The following C1orf198 variants were observed in gnomAD, a reference collection of about 807,000 sequenced individuals.
The protein encoded by C1orf198 is chromosome 1 open reading frame 198.
In C1orf198, 17 loss-of-function variants were observed where a neutral mutation model predicts 31.4. The observed-to-expected ratio is 0.54, with a 90% confidence interval of 0.37 to 0.81. The LOEUF (loss-of-function observed/expected upper bound fraction) is 0.81. C1orf198 is among the 40% of genes least tolerant of loss of function. The pLI, the probability that C1orf198 is intolerant of heterozygous loss-of-function variation, is 0.00. For missense variants in C1orf198, 401 were observed against 450.3 expected, an observed-to-expected ratio of 0.89 and a Z score of 0.99; for synonymous variants, 175 against 193.8, an observed-to-expected ratio of 0.90 and a Z score of 0.81.
intron 2 of C1orf198, among the ~76,000 whole-genome samples, chr1:230,851,075 G>A (rs993284811): frequency 2.1e-5 from 3 of 142,180 alleles, no homozygotes; most frequent in Middle Eastern, 3.2e-3. Flanking sequence ...GCACAGCACA[G>A]AGGAAGGGCC....
chr1:230,854,832 G>T (rs1313267913), intron 2 of C1orf198, among the ~76,000 whole-genome samples: 6 of 152,106 alleles, frequency 3.9e-5, no homozygotes, highest in African/African-American at 1.2e-4. Flanking sequence ...GCTCTGATCA[G>T]CAATGATGTG....
At chr1:230,842,577 T>C (rs150565942) in intron 3 of C1orf198, among the ~76,000 whole-genome samples, 1,926 of 152,010 alleles carry the variant, frequency 0.013, 13 homozygotes, top group Middle Eastern at 0.041. Flanking sequence ...ACAATGGACT[T>C]TGGGGACTCG....
upstream of C1orf198, chr1:230,868,645 GC>G (rs1276135051): frequency 1.5e-6 from 1 of 671,300 alleles, no homozygotes; most frequent in Non-Finnish European, 1.9e-6. Context: ...GGGTCTCCAA[GC>G]CAACCCAGCT....
chr1:230,849,114 C>T (rs962697252), intron 2 of C1orf198, among the ~76,000 whole-genome samples: 16 of 152,200 alleles, frequency 1.1e-4, no homozygotes, highest in African/African-American at 2.7e-4. Flanking sequence ...CTTTTTGCTT[C>T]GGTGACTCCA....
At chr1:230,868,595 C>T (rs1367271530), upstream of C1orf198, 1 of 1,045,484 alleles carries the variant, frequency 9.6e-7, no homozygotes, top group Admixed American at 5.2e-5. Context: ...CCCGGAGCCC[C>T]GCCCCCTCCG....
At chr1:230,851,906 G>A (rs1412684010) in intron 2 of C1orf198, among the ~76,000 whole-genome samples, 1 of 152,226 alleles carries the variant, frequency 6.6e-6, no homozygotes, top group African/African-American at 2.4e-5. Flanking sequence ...GTCATGGGCT[G>A]GCCAAGAGAA....
At position 230,839,327 on chromosome 1, in the gene C1orf198, A is replaced by T. The variant is rs554800116; in HGVS notation, c.*525T>A. 6.3e-6 allele frequency: 1 copy of T among 159,224 alleles called. No individual in the cohort carries two copies. The highest frequency in any genetic ancestry group is 2.4e-5 in the African/African-American group (1 of 41,586). The allele number at this position is 159,224 out of a possible 1,614,324, so 9.9% of individuals were successfully genotyped here. ...GTGAGAGACATGGCTTCTGCCAGAG[A>T]AGCCCCGGACAGCTGCGAGCGCTGG... On this transcript the variant is annotated 3_prime_UTR_variant, in exon 4 of 4. Coordinates refer to ENST00000366663, the MANE Select transcript of C1orf198 (RefSeq NM_032800.3).
Position 230,840,627 on chromosome 1 carries a change from C to T in C1orf198, c.928-719G>A, listed in dbSNP as rs1669415454. 6.6e-6 allele frequency among the ~76,000 whole-genome samples: 1 copy of T among 152,224 alleles called. No homozygotes were observed. Among genetic ancestry groups the T allele is most frequent in the Admixed American group, 6.5e-5 (1 of 15,282 alleles). Reference sequence around the variant, plus strand: ...ATAAAACTTCTGACTGGCTTCCACTCAGCAGCCTGTTTCTGATGTCCCTTT... The same window carrying T: ...ATAAAACTTCTGACTGGCTTCCACTTAGCAGCCTGTTTCTGATGTCCCTTT... On this transcript the variant is annotated intron_variant, in intron 3 of 3. Transcript: ENST00000366663. The surrounding 1 kb of genome is among the most constrained non-coding windows in gnomAD (Gnocchi z 4.0).
intron 1 of C1orf198, among the ~76,000 whole-genome samples, chr1:230,859,480 G>C (rs139418955): frequency 1.3e-5 from 2 of 152,248 alleles, no homozygotes. Context: ...GTCAAATTCC[G>C]TAAGAGGCAT....
intron 2 of C1orf198, among the ~76,000 whole-genome samples, chr1:230,848,533 A>G (rs185496749): frequency 2.0e-5 from 3 of 152,314 alleles, no homozygotes; most frequent in East Asian, 3.9e-4. Context: ...TGCAATAGCT[A>G]TAAGAGAGGA....
In C1orf198 at chr1:230,839,312, T is replaced by C. The variant is rs1287622709; in HGVS notation, c.*540A>G. 1 of 159,308 alleles carries C rather than the reference T, an allele frequency of 6.3e-6. No homozygotes were observed. The highest frequency in any genetic ancestry group is 1.4e-5 in the Non-Finnish European group (1 of 73,664). The allele number at this position is 159,308 out of a possible 1,614,324, so 9.9% of individuals were successfully genotyped here. ...AGGCTGGCACATGATGTGAGAGACA[T>C]GGCTTCTGCCAGAGAAGCCCCGGAC... On this transcript the variant is annotated 3_prime_UTR_variant, in exon 4 of 4. Coordinates refer to ENST00000366663, the MANE Select transcript of C1orf198 (RefSeq NM_032800.3).
Position 230,868,211 on chromosome 1 carries a change from G to A in C1orf198, c.302C>T (p.Thr101Met), listed in dbSNP as rs771154520. The change falls in exon 1 of 4, where the codon ACG becomes ATG. Residue 101 changes from threonine to methionine, a missense_variant. By Grantham distance (81) the Thr-to-Met change is moderately conservative. Transcript: ENST00000366663. Reference protein sequence around the residue: ...LTRFPGLRGPTGQKVVRFGDE... With the variant: ...LTRFPGLRGPMGQKVVRFGDE... The stretch of plus-strand genomic sequence containing the variant: ...CCCGAAGCGCACCACCTTCTGGCCC[G>A]TGGGCCCGCGCAAGCCGGGGAAGCG... 3.3e-6 allele frequency: 5 copies of A among 1,512,630 alleles called. No individual in the cohort carries two copies. The highest frequency in any genetic ancestry group is 2.9e-5 in the African/African-American group (2 of 68,900). 93.7% of individuals were successfully genotyped at this position (1,512,630 alleles called of 1,614,324 possible).
chr1:230,847,561 G>A (rs1443642117), intron 2 of C1orf198, among the ~76,000 whole-genome samples: 1 of 152,100 alleles, frequency 6.6e-6, no homozygotes, highest in Non-Finnish European at 1.5e-5. Context: ...AACAACAGGT[G>A]GCCACCAGGT....
At chr1:230,847,874 C>A (rs1669637404) in intron 2 of C1orf198, among the ~76,000 whole-genome samples, 1 of 152,174 alleles carries the variant, frequency 6.6e-6, no homozygotes. Context: ...AAACCCCAGG[C>A]TTTTTTAGGA....
chr1:230,840,283 T>C lies in C1orf198; in HGVS notation c.928-375A>G, dbSNP rs572270244. On this transcript the variant is annotated intron_variant, in intron 3 of 3. Transcript: ENST00000366663. The surrounding 1 kb of genome is among the most constrained non-coding windows in gnomAD (Gnocchi z 4.0). ...CAAATGATAAAGATATTCCTTCAAA[T>C]ATAAAACAAACATCACACACAAACA... is the stretch of plus-strand genomic sequence containing the variant. 3.3e-5 allele frequency among the ~76,000 whole-genome samples: 5 copies of C among 152,340 alleles called. No individual in the cohort carries two copies. The highest frequency in any genetic ancestry group is 2.1e-4 in the South Asian group (1 of 4,826).
chr1:230,841,525 C>T (rs1669441533), intron 3 of C1orf198, among the ~76,000 whole-genome samples: 1 of 152,198 alleles, frequency 6.6e-6, no homozygotes, highest in Non-Finnish European at 1.5e-5. Context: ...GGCCAATAAG[C>T]ACATGAAATG....
chr1:230,867,774 G>A (rs1670154648), intron 1 of C1orf198, among the ~76,000 whole-genome samples: 1 of 152,170 alleles, frequency 6.6e-6, no homozygotes, highest in South Asian at 2.1e-4. Context: ...GGAAACTGAG[G>A]CTCTAAGAAG....
chr1:230,849,562 G>A (rs1156401302), intron 2 of C1orf198, among the ~76,000 whole-genome samples: 1 of 152,220 alleles, frequency 6.6e-6, no homozygotes, highest in Non-Finnish European at 1.5e-5. Context: ...CCCATGCGGG[G>A]AACTGGGTCT....
intron 3 of C1orf198, among the ~76,000 whole-genome samples, chr1:230,842,286 T>G (rs1669462411): frequency 6.6e-6 from 1 of 152,186 alleles, no homozygotes; most frequent in Non-Finnish European, 1.5e-5. Context: ...AAATGGTAAA[T>G]GTTTGTATAT....
Sources: gnomAD v4.1 joint callset for allele counts (sites outside exome capture counted in the v4.1 genomes callset) on GRCh38, gnomAD v4.1.1 for gene constraint, Gnocchi (gnomAD v3.1) non-coding constraint, MANE v1.5 for transcripts, NCBI Gene and HGNC (gene_info 2026-07-23, HGNC 2026-07-21) for gene names.